DCC: variants seen among roughly 807,000 people sequenced by gnomAD.
The protein encoded by DCC is DCC netrin 1 receptor.
DCC carries 58 observed loss-of-function variants against 172.5 expected under a neutral mutation model. The observed-to-expected ratio is 0.34, with a 90% CI of 0.27 to 0.42. The LOEUF (loss-of-function observed/expected upper bound fraction) is 0.42, where lower values mean the gene tolerates loss of function less well. Ranked by LOEUF, DCC falls within the 10% of genes least tolerant of loss-of-function variation. The pLI, the probability that DCC is intolerant of heterozygous loss-of-function variation, is 1.00. For synonymous variants in DCC, 709 were observed against 644.5 expected, an observed-to-expected ratio of 1.10 and a Z score of -1.52; for missense variants, 1,740 against 1,791.0, an observed-to-expected ratio of 0.97 and a Z score of 0.51.
At chr18:52,534,860 A>G (rs1051246313) in intron 1 of DCC, among the ~76,000 whole-genome samples, 3 of 152,174 alleles carry the variant, frequency 2.0e-5, no homozygotes, top group African/African-American at 7.2e-5. Context: ...TTTACAGGGA[A>G]AGAATCCAAT....
chr18:53,288,275 A>G (rs1340316589), intron 12 of DCC, among the ~76,000 whole-genome samples: 1 of 152,090 alleles, frequency 6.6e-6, no homozygotes, highest in Non-Finnish European at 1.5e-5. Context: ...ATTAAAGCAG[A>G]TTAGAAATTT....
intron 25 of DCC, among the ~76,000 whole-genome samples, chr18:53,482,278 A>G (rs777317462): frequency 6.6e-6 from 1 of 152,200 alleles, no homozygotes; most frequent in Non-Finnish European, 1.5e-5. Context: ...TGGCTATTCT[A>G]TCTGATGTCA....
At chr18:53,112,763 C>T (rs1598814245) in intron 7 of DCC, among the ~76,000 whole-genome samples, 1 of 151,436 alleles carries the variant, frequency 6.6e-6, no homozygotes, top group East Asian at 1.9e-4. Flanking sequence ...ATATTATTCA[C>T]ACTCAAAAGA....
At chr18:52,937,553 A>G (rs2040398535) in intron 5 of DCC, among the ~76,000 whole-genome samples, 1 of 152,130 alleles carries the variant, frequency 6.6e-6, no homozygotes, top group Admixed American at 6.5e-5. Context: ...TCTGTTTCCC[A>G]GGCTGAGGTG....
At chr18:53,063,006 G>A (rs8084270) in intron 5 of DCC, among the ~76,000 whole-genome samples, 48,295 of 151,604 alleles carry the variant, frequency 0.32, 9,331 homozygotes, top group African/African-American at 0.54. Flanking sequence ...AGTCAATTGG[G>A]TACATAACAC....
rs536701919 is a variant in DCC at position 52,340,891 on chromosome 18, T to C, written c.91+13T>C. Reference sequence around the variant, plus strand: ...CTTCAAGTAACCGGTAAGTGGCTCTTTCCTTTCTTCTCGTCGCACCCCCTT... The same window carrying C: ...CTTCAAGTAACCGGTAAGTGGCTCTCTCCTTTCTTCTCGTCGCACCCCCTT... On this transcript the variant is annotated intron_variant, in intron 1 of 28. Coordinates refer to ENST00000442544, the MANE Select transcript of DCC (RefSeq NM_005215.4). 47 of 1,592,934 alleles carry C rather than the reference T, an allele frequency of 3.0e-5. No homozygotes were observed. The highest frequency in any genetic ancestry group is 4.0e-5 in the Non-Finnish European group (47 of 1,160,816).
intron 1 of DCC, among the ~76,000 whole-genome samples, chr18:52,693,218 T>C (rs1191194183): frequency 6.6e-6 from 1 of 151,698 alleles, no homozygotes. Context: ...CAGAAATAAT[T>C]GTGCATGTGT....
At chr18:52,715,295 C>CTTTTTT (rs10658253) in intron 1 of DCC, among the ~76,000 whole-genome samples, 3 of 144,792 alleles carry the variant, frequency 2.1e-5, no homozygotes, top group East Asian at 2.0e-4. Context: ...TTTTTCTTTT[C>CTTTTTT]TTTTTTTTTT....
chr18:52,694,197 G>A (rs1758873065), intron 1 of DCC, among the ~76,000 whole-genome samples: 1 of 152,034 alleles, frequency 6.6e-6, no homozygotes, highest in East Asian at 1.9e-4. Context: ...CACACTAAGG[G>A]ACATTTTGCA....
At chr18:52,944,405 T>G (rs1056361936) in intron 5 of DCC, among the ~76,000 whole-genome samples, 1 of 152,170 alleles carries the variant, frequency 6.6e-6, no homozygotes, top group African/African-American at 2.4e-5. Flanking sequence ...CGTTTCTGCA[T>G]CCAAAACTAG....
At chr18:53,381,598 T>C (rs891512312) in intron 15 of DCC, among the ~76,000 whole-genome samples, 2 of 120,826 alleles carry the variant, frequency 1.7e-5, no homozygotes, top group African/African-American at 6.2e-5. Context: ...TCATATAAAG[T>C]TTCTAGTTTG....
chr18:53,479,454 G>A (rs1229757447), intron 25 of DCC, among the ~76,000 whole-genome samples: 3 of 152,132 alleles, frequency 2.0e-5, no homozygotes, highest in Non-Finnish European at 2.9e-5. Context: ...CCTAGATGTC[G>A]TTTCTTGGTA....
chr18:52,349,102 A>G (rs1489602870), intron 1 of DCC, among the ~76,000 whole-genome samples: 1 of 152,220 alleles, frequency 6.6e-6, no homozygotes, highest in Non-Finnish European at 1.5e-5. Flanking sequence ...ATGGTAAAAT[A>G]CATAGGCCCA....
chr18:53,373,719 C>A (rs2058082939), intron 15 of DCC, among the ~76,000 whole-genome samples: 1 of 152,066 alleles, frequency 6.6e-6, no homozygotes, highest in African/African-American at 2.4e-5. Context: ...CTCAAATGCA[C>A]AACAAACCCA....
At chr18:52,627,914 C>T (rs1356012990) in intron 1 of DCC, among the ~76,000 whole-genome samples, 2 of 152,272 alleles carry the variant, frequency 1.3e-5, no homozygotes, top group Non-Finnish European at 2.9e-5. Context: ...CTTTTCCCCA[C>T]ATTTTGGTGG....
At chr18:52,809,691 G>C (rs1340857324) in intron 2 of DCC, among the ~76,000 whole-genome samples, 2 of 152,172 alleles carry the variant, frequency 1.3e-5, no homozygotes, top group Admixed American at 6.5e-5. Flanking sequence ...AGCTCAACTT[G>C]TGCCCTAACA....
At position 52,340,326 on chromosome 18, in the gene DCC, T is replaced by C. The variant is rs958383808; in HGVS notation, c.-462T>C. The C allele has an allele frequency of 1.2e-4, 22 of 189,856 alleles. No individual in the cohort carries two copies. Among genetic ancestry groups the C allele is most frequent in the Admixed American group, 5.3e-5 (1 of 18,802 alleles). 11.8% of individuals were successfully genotyped at this position (189,856 alleles called of 1,614,324 possible). A position where few individuals can be genotyped will look rare whatever the true frequency, so the allele number is the denominator to read the frequency against. ...CAGCATCTCCAGCTCTCGCGCGGAA[T>C]TGTCTCTTCAACTTTACCCAACCGA... On this transcript the variant is annotated 5_prime_UTR_variant, in exon 1 of 29. Coordinates refer to ENST00000442544, the MANE Select transcript of DCC (RefSeq NM_005215.4).
intron 1 of DCC, among the ~76,000 whole-genome samples, chr18:52,540,857 C>T (rs761812261): frequency 6.6e-6 from 1 of 152,154 alleles, no homozygotes; most frequent in African/African-American, 2.4e-5. Context: ...CCGCCCGCCT[C>T]GGCCTCCCAA....
chr18:53,109,524 C>A (rs932740676), intron 7 of DCC, among the ~76,000 whole-genome samples: 11 of 151,082 alleles, frequency 7.3e-5, no homozygotes, highest in Non-Finnish European at 1.5e-4. Flanking sequence ...GTGTGTCTGT[C>A]CGTCTCTGTC....
Sources: allele counts gnomAD v4.1 joint callset (sites outside exome capture counted in the v4.1 genomes callset), GRCh38; gene constraint gnomAD v4.1.1; transcripts MANE v1.5; gene names NCBI Gene and HGNC (gene_info 2026-07-23, HGNC 2026-07-21).